CADM1: variants seen among roughly 807,000 people sequenced by gnomAD.
CADM1 encodes the protein TSLC-1.
In CADM1, 15 loss-of-function variants were observed where a neutral mutation model predicts 53.1. The ratio of observed to expected loss-of-function variants is 0.28; its 90% confidence interval spans 0.19 to 0.44. The LOEUF is 0.44. CADM1 is among the 20% of genes least tolerant of loss of function. The probability of loss-of-function intolerance (pLI) is 1.00; values close to 1 mark genes in which losing one functional copy is unlikely to be tolerated. For synonymous variants in CADM1, 281 were observed against 243.0 expected (o/e 1.16, Z -1.45); for missense variants, 434 against 611.3 (o/e 0.71, Z 3.06).
At chr11:115,191,013 G>A in intron 9 of CADM1, 72 bp from the exon 10 acceptor site, 1 of 1,271,836 alleles carries the variant, frequency 7.9e-7, no homozygotes, top group Non-Finnish European at 1.1e-6. Context: ...AAGAACTGAG[G>A]ATGAATTTCT....
intron 1 of CADM1, among the ~76,000 whole-genome samples, chr11:115,293,736 T>C (rs1943971998): frequency 6.6e-6 from 1 of 152,208 alleles, no homozygotes; most frequent in Non-Finnish European, 1.5e-5. Context: ...AGTTGTGTTA[T>C]TATGCTGCCT....
At chr11:115,460,974 T>C (rs1269060959) in intron 1 of CADM1, among the ~76,000 whole-genome samples, 1 of 152,208 alleles carries the variant, frequency 6.6e-6, no homozygotes, top group African/African-American at 2.4e-5. Context: ...CAAAAACAAT[T>C]AGCAAAAGAT....
At chr11:115,294,144 T>C (rs547376632) in intron 1 of CADM1, among the ~76,000 whole-genome samples, 5 of 152,196 alleles carry the variant, frequency 3.3e-5, no homozygotes, top group African/African-American at 7.2e-5. Context: ...GGAAACATGA[T>C]CAGGATGAGC....
chr11:115,484,855 G>A (rs920111299), intron 1 of CADM1, among the ~76,000 whole-genome samples: 27 of 151,940 alleles, frequency 1.8e-4, no homozygotes, highest in Middle Eastern at 3.4e-3. Flanking sequence ...GCTGAGGCAG[G>A]AGAATGGCGT....
At chr11:115,417,394 A>C (rs1350836750) in intron 1 of CADM1, among the ~76,000 whole-genome samples, 1 of 152,072 alleles carries the variant, frequency 6.6e-6, no homozygotes, top group Admixed American at 6.6e-5. Context: ...AACTTCCAAG[A>C]CCCCCAGTGG....
chr11:115,459,933 T>G (rs1478364012), intron 1 of CADM1, among the ~76,000 whole-genome samples: 1 of 152,210 alleles, frequency 6.6e-6, no homozygotes, highest in East Asian at 1.9e-4. Flanking sequence ...TGTTTATATA[T>G]AATTTGTTTA....
intron 1 of CADM1, among the ~76,000 whole-genome samples, chr11:115,388,278 T>C (rs539699158): frequency 6.6e-6 from 1 of 151,996 alleles, no homozygotes; most frequent in Non-Finnish European, 1.5e-5. Context: ...GGTGGATGAA[T>C]GGATAGAAAA....
intron 1 of CADM1, among the ~76,000 whole-genome samples, chr11:115,420,693 AATT>A (rs1344461953): frequency 6.6e-6 from 1 of 152,062 alleles, no homozygotes; most frequent in Non-Finnish European, 1.5e-5. Flanking sequence ...TTGGTTTTTT[AATT>A]ATTGTTTGTG....
intron 1 of CADM1, among the ~76,000 whole-genome samples, chr11:115,318,885 A>G (rs537008843): frequency 3.3e-5 from 5 of 152,224 alleles, no homozygotes; most frequent in Non-Finnish European, 7.3e-5. Flanking sequence ...TCTATAGGAC[A>G]TTAACCTAGA....
chr11:115,337,046 G>A (rs1270020015), intron 1 of CADM1, among the ~76,000 whole-genome samples: 1 of 152,144 alleles, frequency 6.6e-6, no homozygotes, highest in East Asian at 1.9e-4. Flanking sequence ...GAGGTACAGA[G>A]AATTAATTAA....
Position 115,175,777 on chromosome 11 carries a change from A to G in CADM1, c.*697T>C. On this transcript the variant is annotated 3_prime_UTR_variant, in exon 12 of 12. Transcript: ENST00000331581. The stretch of plus-strand genomic sequence containing the variant: ...TGTACAGTAATGTAGTTCCACAGCA[A>G]ACAGAACATTTTCTGAATCACAGTC... 1 of 993,364 alleles carries G rather than the reference A, an allele frequency of 1.0e-6. No individual in the cohort carries two copies. The highest frequency in any genetic ancestry group is 1.2e-6 in the Non-Finnish European group (1 of 834,614). The allele number at this position is 993,364 out of a possible 1,614,324, so 61.5% of individuals were successfully genotyped here.
chr11:115,293,346 T>G (rs1022079988), intron 1 of CADM1, among the ~76,000 whole-genome samples: 4 of 151,928 alleles, frequency 2.6e-5, no homozygotes, highest in African/African-American at 2.4e-5. Flanking sequence ...GGCAGGAGAA[T>G]GGCGTGAACC....
At chr11:115,225,820 A>T (rs562112737) in intron 5 of CADM1, among the ~76,000 whole-genome samples, 1 of 152,302 alleles carries the variant, frequency 6.6e-6, no homozygotes, top group East Asian at 1.9e-4. Context: ...AGTATTTTTT[A>T]AAAATTACTT....
intron 1 of CADM1, among the ~76,000 whole-genome samples, chr11:115,267,281 TCAGA>T (rs1317381621): frequency 6.6e-6 from 1 of 152,358 alleles, no homozygotes; most frequent in African/African-American, 2.4e-5. Context: ...CAATTATAGC[TCAGA>T]CAAACTTTCG....
chr11:115,398,769 T>C (rs149374183), intron 1 of CADM1, among the ~76,000 whole-genome samples: 2 of 152,354 alleles, frequency 1.3e-5, no homozygotes, highest in African/African-American at 4.8e-5. Flanking sequence ...AACTAGGCTC[T>C]TTTAATGTGA....
Position 115,170,971 on chromosome 11 carries a change from A to T in CADM1, c.*5503T>A, listed in dbSNP as rs1938771399. On this transcript the variant is annotated 3_prime_UTR_variant, in exon 12 of 12. Transcript: ENST00000331581. The stretch of plus-strand genomic sequence containing the variant: ...TCAGATTAAGTGTAACGTAAGGCTC[A>T]GTCAGCCAGGTGCTCGACTCTTCTC... 1 of 152,224 alleles carries T rather than the reference A, an allele frequency of 6.6e-6. No homozygotes were observed. The highest frequency in any genetic ancestry group is 1.5e-5 in the Non-Finnish European group (1 of 68,058). The allele number at this position is 152,224 out of a possible 1,614,324, so 9.4% of individuals were successfully genotyped here.
chr11:115,303,650 C>T (rs758364401), intron 1 of CADM1, among the ~76,000 whole-genome samples: 8 of 152,052 alleles, frequency 5.3e-5, no homozygotes, highest in East Asian at 1.9e-4. Flanking sequence ...TACAGGTAAA[C>T]GTCACATCTC....
intron 1 of CADM1, among the ~76,000 whole-genome samples, chr11:115,410,878 T>C (rs1278948197): frequency 6.6e-6 from 1 of 152,156 alleles, no homozygotes; most frequent in Non-Finnish European, 1.5e-5. Flanking sequence ...GGTGGAGTAT[T>C]TGATATAGCC....
chr11:115,258,357 G>T (rs558371225), intron 1 of CADM1, among the ~76,000 whole-genome samples: 2 of 152,006 alleles, frequency 1.3e-5, no homozygotes, highest in Admixed American at 1.3e-4. Flanking sequence ...GTGATGCATC[G>T]CCTGCCCTTT....
Sources: gnomAD v4.1 joint callset for allele counts (sites outside exome capture counted in the v4.1 genomes callset) on GRCh38, gnomAD v4.1.1 for gene constraint, MANE v1.5 for transcripts, NCBI Gene and HGNC (gene_info 2026-07-23, HGNC 2026-07-21) for gene names.